The following PTPRD variants were observed in gnomAD, a reference collection of about 807,000 sequenced individuals.
PTPRD encodes the protein receptor-type tyrosine-protein phosphatase delta.
A neutral mutation model predicts 214.5 loss-of-function variants in PTPRD; 34 were observed. The observed-to-expected ratio is 0.16, with a 90% CI of 0.12 to 0.21. The LOEUF (loss-of-function observed/expected upper bound fraction) is 0.21. Among genes scored for constraint, PTPRD ranks in the 10% least tolerant of loss-of-function variants. The pLI, the probability that PTPRD is intolerant of heterozygous loss-of-function variation, is 1.00. For missense variants in PTPRD, 2,545 were observed against 2,398.7 expected (o/e 1.06, Z -1.27); for synonymous variants, 1,128 against 845.7 (o/e 1.33, Z -5.79).
At chr9:10,270,722 C>A in intron 3 of PTPRD, among the ~76,000 whole-genome samples, 1 of 152,250 alleles carries the variant, frequency 6.6e-6, no homozygotes, top group East Asian at 1.9e-4. Context: ...GACTTGAATG[C>A]ATTATTTCTT....
intron 5 of PTPRD, among the ~76,000 whole-genome samples, chr9:9,881,536 T>C (rs2068687718): frequency 6.6e-6 from 1 of 152,116 alleles, no homozygotes; most frequent in African/African-American, 2.4e-5. Context: ...AAGGCTGTTG[T>C]GAAAATAAAC....
At chr9:9,580,029 T>C (rs2090246299) in intron 7 of PTPRD, among the ~76,000 whole-genome samples, 1 of 152,110 alleles carries the variant, frequency 6.6e-6, no homozygotes. Context: ...CAAAGACATG[T>C]TTCATCTTTT....
At chr9:9,309,661 A>G (rs1395614517) in intron 9 of PTPRD, among the ~76,000 whole-genome samples, 1 of 152,166 alleles carries the variant, frequency 6.6e-6, no homozygotes, top group Non-Finnish European at 1.5e-5. Flanking sequence ...GTGGCTCTCC[A>G]TCTTGTCTAT....
intron 14 of PTPRD, among the ~76,000 whole-genome samples, chr9:8,576,882 C>A (rs1480350536): frequency 1.3e-5 from 2 of 152,262 alleles, no homozygotes; most frequent in South Asian, 4.1e-4. Flanking sequence ...GCTATTGATG[C>A]TACCTTTTGA....
intron 2 of PTPRD, among the ~76,000 whole-genome samples, chr9:10,436,400 A>G (rs2098718018): frequency 6.6e-6 from 1 of 151,780 alleles, no homozygotes; most frequent in African/African-American, 2.4e-5. Flanking sequence ...CAAAGTTCAT[A>G]TCATATTGTA....
At chr9:8,616,883 C>G (rs972166746) in intron 14 of PTPRD, among the ~76,000 whole-genome samples, 4 of 152,120 alleles carry the variant, frequency 2.6e-5, no homozygotes, top group Admixed American at 6.6e-5. Flanking sequence ...CCATGAGAGG[C>G]TAAGCTGAAA....
intron 2 of PTPRD, among the ~76,000 whole-genome samples, chr9:10,586,361 T>A (rs1325986716): frequency 6.6e-6 from 1 of 151,984 alleles, no homozygotes; most frequent in Non-Finnish European, 1.5e-5. Flanking sequence ...AAATATAGAC[T>A]GGTATCATGC....
intron 3 of PTPRD, among the ~76,000 whole-genome samples, chr9:10,061,066 A>G (rs540200624): frequency 1.3e-3 from 193 of 151,592 alleles, no homozygotes; most frequent in Middle Eastern, 0.01. Flanking sequence ...TACAAAAGAA[A>G]AACAATGGTC....
intron 2 of PTPRD, among the ~76,000 whole-genome samples, chr9:10,367,962 A>G (rs1192554246): frequency 6.6e-6 from 1 of 152,136 alleles, no homozygotes; most frequent in Non-Finnish European, 1.5e-5. Flanking sequence ...TCAATGAGTA[A>G]CAGCCATTAC....
chr9:10,370,023 T>C (rs1300057485), intron 2 of PTPRD, among the ~76,000 whole-genome samples: 1 of 152,064 alleles, frequency 6.6e-6, no homozygotes, highest in Non-Finnish European at 1.5e-5. Flanking sequence ...GCACTATTAT[T>C]ATCCCTTTTC....
chr9:9,328,614 CTTGCTTT>C (rs2041009971), intron 9 of PTPRD, among the ~76,000 whole-genome samples: 1 of 39,102 alleles, frequency 2.6e-5, no homozygotes, highest in African/African-American at 7.6e-5. Context: ...TGTTGTTGTT[CTTGCTTT>C]TTTTTTTTTT....
At chr9:9,809,247 G>A (rs931141242) in intron 5 of PTPRD, among the ~76,000 whole-genome samples, 1 of 151,358 alleles carries the variant, frequency 6.6e-6, no homozygotes, top group Non-Finnish European at 1.5e-5. Flanking sequence ...GCAGATAAAG[G>A]GCCTTAGCCA....
intron 3 of PTPRD, among the ~76,000 whole-genome samples, chr9:10,290,147 G>A (rs138300413): frequency 6.6e-6 from 1 of 152,190 alleles, no homozygotes; most frequent in East Asian, 1.9e-4. Flanking sequence ...TACATTAAAT[G>A]GTGATTGTGA....
In PTPRD at chr9:10,229,644, T is replaced by A. The variant is rs951339886; in HGVS notation, c.-545+111319A>T. 6.0e-5 allele frequency among the ~76,000 whole-genome samples: 9 copies of A among 149,636 alleles called. No homozygotes were observed. The East Asian group carries it at 6.0e-4, about 10-fold the overall frequency. ...GCATGTTCTCACTCATAGGTGGGAA[T>A]TGAACAATGAGAACACATGGACATA... On this transcript the variant is annotated intron_variant, in intron 3 of 45. Coordinates refer to ENST00000381196, the MANE Select transcript of PTPRD (RefSeq NM_002839.4).
chr9:9,027,430 G>A (rs999529350), intron 10 of PTPRD, among the ~76,000 whole-genome samples: 3 of 151,838 alleles, frequency 2.0e-5, no homozygotes, highest in African/African-American at 7.3e-5. Flanking sequence ...TAAAAATACT[G>A]ATTGAGTTTA....
chr9:9,202,046 C>T (rs186080473), intron 9 of PTPRD, among the ~76,000 whole-genome samples: 4 of 152,236 alleles, frequency 2.6e-5, no homozygotes, highest in East Asian at 3.9e-4. Flanking sequence ...TTGTTTCAAC[C>T]GGAAGATAAG....
chr9:8,626,635 C>T (rs1337416506), intron 14 of PTPRD, among the ~76,000 whole-genome samples: 1 of 151,762 alleles, frequency 6.6e-6, no homozygotes, highest in Non-Finnish European at 1.5e-5. Context: ...CAACCCTTAT[C>T]CAATCAGGTA....
intron 7 of PTPRD, among the ~76,000 whole-genome samples, chr9:9,664,334 T>C (rs986650655): frequency 1.3e-5 from 2 of 151,576 alleles, no homozygotes; most frequent in African/African-American, 4.8e-5. Context: ...TTCTAACGCA[T>C]AGGGCAAAAA....
intron 10 of PTPRD, among the ~76,000 whole-genome samples, chr9:9,047,967 T>G (rs1343829245): frequency 6.6e-6 from 1 of 151,988 alleles, no homozygotes; most frequent in Non-Finnish European, 1.5e-5. Flanking sequence ...GAGAAAATAT[T>G]TGCCCAATCA....
Sources: gnomAD v4.1 joint callset for allele counts (sites outside exome capture counted in the v4.1 genomes callset) on GRCh38, gnomAD v4.1.1 for gene constraint, MANE v1.5 for transcripts, NCBI Gene and HGNC (gene_info 2026-07-23, HGNC 2026-07-21) for gene names.